Variants in PTPRT observed in about 807,000 individuals in gnomAD.
The protein encoded by PTPRT is protein tyrosine phosphatase receptor type T.
In PTPRT, 56 loss-of-function variants were observed where a neutral mutation model predicts 176.8. The ratio of observed to expected loss-of-function variants is 0.32; its 90% CI spans 0.26 to 0.40. The LOEUF is 0.40. PTPRT is among the 10% of genes least tolerant of loss of function. The probability of loss-of-function intolerance (pLI) is 1.00; values close to 1 mark genes in which losing one functional copy is unlikely to be tolerated. For synonymous variants in PTPRT, 783 were observed against 739.0 expected, an observed-to-expected ratio of 1.06 and a Z score of -0.96; for missense variants, 1,540 against 1,908.2, an observed-to-expected ratio of 0.81 and a Z score of 3.60.
In PTPRT at chr20:43,179,395, C is replaced by T. The variant is rs190311872; in HGVS notation, c.88+10251G>A. ...ATGGGTTAGAAAGGTCTAAAATAAG[C>T]GCCAATTTTAAAAACTGGGATATGT... is the stretch of plus-strand genomic sequence containing the variant. On this transcript the variant is annotated intron_variant, in intron 1 of 30. Transcript: ENST00000373187. Among the ~76,000 whole-genome samples the T allele has an allele frequency of 2.6e-5, 4 of 152,174 alleles. 1 individual carries two copies. The highest frequency in any genetic ancestry group is 2.0e-4 in the Admixed American group (3 of 15,286).
intron 1 of PTPRT, among the ~76,000 whole-genome samples, chr20:42,906,648 C>T (rs889475646): frequency 8.5e-5 from 13 of 152,134 alleles, no homozygotes; most frequent in African/African-American, 3.1e-4. Context: ...GAGACCAGAG[C>T]CCTACAGCCT....
intron 13 of PTPRT, among the ~76,000 whole-genome samples, chr20:42,269,157 A>G (rs575650228): frequency 5.4e-4 from 82 of 152,088 alleles, no homozygotes; most frequent in Non-Finnish European, 1.0e-3. Context: ...GCCATATCTC[A>G]TCTTCCTCCC....
At chr20:42,052,371 G>A in the PTPRT span, among the ~76,000 whole-genome samples, 3 of 152,306 alleles carry the variant, frequency 2.0e-5, no homozygotes, top group East Asian at 5.8e-4. Flanking sequence ...AGTCTGGGTG[G>A]TCTCTTTCCC....
At chr20:42,519,677 T>C (rs1321145815) in intron 7 of PTPRT, among the ~76,000 whole-genome samples, 1 of 152,154 alleles carries the variant, frequency 6.6e-6, no homozygotes, top group African/African-American at 2.4e-5. Context: ...TTTGAATTAA[T>C]TGAGTCCTTA....
intron 1 of PTPRT, among the ~76,000 whole-genome samples, chr20:43,001,283 A>T (rs778685054): frequency 3.9e-5 from 6 of 152,222 alleles, no homozygotes; most frequent in Non-Finnish European, 7.3e-5. Flanking sequence ...ATCTCAAAAA[A>T]TGAGTAAGCA....
At chr20:42,954,995 G>A (rs147194778) in intron 1 of PTPRT, among the ~76,000 whole-genome samples, 22 of 152,088 alleles carry the variant, frequency 1.4e-4, no homozygotes, top group African/African-American at 5.1e-4. Flanking sequence ...AGGACAAAGA[G>A]GGAAGGGCCA....
intron 9 of PTPRT, among the ~76,000 whole-genome samples, chr20:42,356,752 A>G (rs763688994): frequency 6.6e-6 from 1 of 152,104 alleles, no homozygotes; most frequent in Non-Finnish European, 1.5e-5. Context: ...GCTTTCCCAG[A>G]GCTCTCAGGA....
intron 1 of PTPRT, among the ~76,000 whole-genome samples, chr20:43,165,600 T>C (rs1438167172): frequency 1.3e-5 from 2 of 152,206 alleles, no homozygotes; most frequent in East Asian, 3.9e-4. Context: ...TAGTCTCAGG[T>C]ATTGCTTCAC....
At chr20:43,134,919 A>G (rs527801433) in intron 1 of PTPRT, among the ~76,000 whole-genome samples, 55 of 152,258 alleles carry the variant, frequency 3.6e-4, no homozygotes, top group African/African-American at 1.2e-3. Context: ...GGACTATCCA[A>G]TGCCTTGTAG....
At chr20:42,818,126 T>A (rs768417759) in intron 2 of PTPRT, among the ~76,000 whole-genome samples, 26 of 151,972 alleles carry the variant, frequency 1.7e-4, no homozygotes, top group Admixed American at 2.6e-4. Context: ...CTGGCATCAG[T>A]CTGGTGCCCC....
At chr20:42,428,581 T>C (rs1315899867) in intron 9 of PTPRT, among the ~76,000 whole-genome samples, 1 of 152,152 alleles carries the variant, frequency 6.6e-6, no homozygotes, top group African/African-American at 2.4e-5. Flanking sequence ...GTCAGAGCCC[T>C]CCCAAAGCCA....
intron 2 of PTPRT, among the ~76,000 whole-genome samples, chr20:42,809,161 A>G (rs948320098): frequency 7.2e-5 from 11 of 152,158 alleles, no homozygotes; most frequent in Non-Finnish European, 7.3e-5. Flanking sequence ...CAAGCACGAG[A>G]TGTTGGTGCC....
rs374891485 is a variant in PTPRT, at chr20:42,580,031, C to T, written c.1153+97835G>A. On this transcript the variant is annotated intron_variant, in intron 7 of 30. Transcript: ENST00000373187. ...AGGTTTTCTCCTAGGGTTTTTATGG[C>T]TTTAGGTCTAACATGTAAGTCTTTA... 3.4e-4 allele frequency among the ~76,000 whole-genome samples: 51 copies of T among 152,194 alleles called. 1 individual carries two copies. The East Asian group carries it at 5.6e-3, about 17-fold the overall frequency.
intron 26 of PTPRT, among the ~76,000 whole-genome samples, chr20:42,099,745 A>C (rs1985740602): frequency 6.6e-6 from 1 of 152,082 alleles, no homozygotes; most frequent in Non-Finnish European, 1.5e-5. Context: ...TACAAGCAAG[A>C]GGGAAGAGGG....
intron 7 of PTPRT, among the ~76,000 whole-genome samples, chr20:42,498,379 T>C (rs1187245426): frequency 6.6e-6 from 1 of 152,086 alleles, no homozygotes; most frequent in African/African-American, 2.4e-5. Context: ...AGTGTTAACA[T>C]TAAAATAGAG....
chr20:42,969,957 G>A (rs1265146308), intron 1 of PTPRT, among the ~76,000 whole-genome samples: 4 of 152,184 alleles, frequency 2.6e-5, no homozygotes, highest in Non-Finnish European at 5.9e-5. Context: ...TTATATGGAT[G>A]AGGAAACAGG....
intron 2 of PTPRT, among the ~76,000 whole-genome samples, chr20:42,869,640 T>G (rs1466861229): frequency 6.6e-6 from 1 of 152,150 alleles, no homozygotes; most frequent in African/African-American, 2.4e-5. Flanking sequence ...ATGAATCATA[T>G]CTAATTTAGA....
chr20:42,461,491 T>C (rs905300562), intron 8 of PTPRT, among the ~76,000 whole-genome samples: 3 of 152,160 alleles, frequency 2.0e-5, no homozygotes, highest in African/African-American at 7.2e-5. Flanking sequence ...GAGCTGATCA[T>C]ATCACTGCCC....
chr20:42,994,702 A>C (rs1463884463), intron 1 of PTPRT, among the ~76,000 whole-genome samples: 2 of 152,206 alleles, frequency 1.3e-5, no homozygotes. Context: ...AATTCACATA[A>C]ATTTTTAAGT....
Sources: gnomAD v4.1 joint callset for allele counts (sites outside exome capture counted in the v4.1 genomes callset) on GRCh38, gnomAD v4.1.1 for gene constraint, MANE v1.5 for transcripts, NCBI Gene and HGNC (gene_info 2026-07-23, HGNC 2026-07-21) for gene names.